The following OPCML variants were observed in gnomAD, a reference collection of about 807,000 sequenced individuals.
OPCML encodes the protein opioid-binding protein/cell adhesion molecule.
OPCML carries 13 observed loss-of-function variants against 37.8 expected under a neutral mutation model. That is an observed-to-expected ratio of 0.34 (90% CI 0.22 to 0.55). The LOEUF (loss-of-function observed/expected upper bound fraction) is 0.55, where lower values mean the gene tolerates loss of function less well. Among genes scored for constraint, OPCML ranks in the 20% least tolerant of loss-of-function variants. The pLI is 0.91. For synonymous variants in OPCML, 176 were observed against 168.8 expected (o/e 1.04, Z -0.33); for missense variants, 341 against 435.6 (o/e 0.78, Z 1.93).
intron 1 of OPCML, among the ~76,000 whole-genome samples, chr11:133,371,449 T>C (rs568665233): frequency 6.6e-6 from 1 of 152,324 alleles, no homozygotes; most frequent in South Asian, 2.1e-4. Context: ...TGAATTGTAA[T>C]CCAAATTGTA....
intron 1 of OPCML, among the ~76,000 whole-genome samples, chr11:133,311,582 T>C (rs1943068477): frequency 6.6e-6 from 1 of 151,664 alleles, no homozygotes; most frequent in Non-Finnish European, 1.5e-5. Context: ...AGACAGGACG[T>C]AGTGTTCTAA....
At chr11:132,886,976 T>A (rs761364166) in intron 2 of OPCML, among the ~76,000 whole-genome samples, 2 of 152,066 alleles carry the variant, frequency 1.3e-5, no homozygotes, top group Non-Finnish European at 2.9e-5. Flanking sequence ...CCACTGAGCA[T>A]CTCAGAGCCC....
chr11:132,941,033 G>T (rs140528040), intron 2 of OPCML, among the ~76,000 whole-genome samples: 2 of 151,704 alleles, frequency 1.3e-5, no homozygotes, highest in African/African-American at 2.4e-5. Flanking sequence ...AAAAAATTAC[G>T]CCATGCAATC....
intron 1 of OPCML, among the ~76,000 whole-genome samples, chr11:133,140,998 GA>G (rs1949803494): frequency 2.4e-4 from 1 of 4,150 alleles, no homozygotes; most frequent in African/African-American, 4.0e-4. Context: ...AGAAGAAGAA[GA>G]CGACGACGAC....
chr11:132,924,534 T>C (rs1286175804), intron 2 of OPCML, among the ~76,000 whole-genome samples: 1 of 152,252 alleles, frequency 6.6e-6, no homozygotes, highest in Non-Finnish European at 1.5e-5. Context: ...TCTATGTTGA[T>C]GATTCTTTTC....
At chr11:132,858,130 A>ATATC (rs1191029873) in intron 2 of OPCML, among the ~76,000 whole-genome samples, 1 of 152,232 alleles carries the variant, frequency 6.6e-6, no homozygotes, top group Non-Finnish European at 1.5e-5. Context: ...AAGGAAGAGA[A>ATATC]TATCTGACAG....
In OPCML at chr11:132,769,240, G is replaced by GTTT. The variant is rs374516026; in HGVS notation, c.147-111922_147-111921insAAA. Among the ~76,000 whole-genome samples, 933 of 146,550 alleles carry GTTT rather than the reference G, an allele frequency of 6.4e-3. 33 individuals carry two copies. The highest frequency in any genetic ancestry group is 0.01 in the African/African-American group (408 of 39,816). The stretch of plus-strand genomic sequence containing the variant: ...TATTTTTTTGTTTTTTGGTTTGTTT[G>GTTT]TTGTTTTTTTTTTTTGAGACGGAGT... On this transcript the variant is annotated intron_variant, in intron 2 of 7. Transcript: ENST00000524381.
intron 3 of OPCML, among the ~76,000 whole-genome samples, chr11:132,562,138 C>T (rs1487664773): frequency 6.6e-6 from 1 of 152,090 alleles, no homozygotes; most frequent in Non-Finnish European, 1.5e-5. Context: ...TGTTTGAGAA[C>T]AGATGATTAG....
intron 1 of OPCML, among the ~76,000 whole-genome samples, chr11:133,120,653 GC>G (rs1287587320): frequency 2.0e-5 from 3 of 152,210 alleles, no homozygotes; most frequent in African/African-American, 7.2e-5. Context: ...CAGTGACTGT[GC>G]TTTTAAGTAA....
intron 1 of OPCML, among the ~76,000 whole-genome samples, chr11:133,113,141 G>T (rs546521389): frequency 6.6e-6 from 1 of 152,110 alleles, no homozygotes; most frequent in Admixed American, 6.5e-5. Flanking sequence ...ATGCAAAAAA[G>T]CCATCCTTTA....
At chr11:133,309,253 C>A (rs989871744) in intron 1 of OPCML, among the ~76,000 whole-genome samples, 4 of 152,178 alleles carry the variant, frequency 2.6e-5, no homozygotes, top group Non-Finnish European at 4.4e-5. Context: ...GATAACATCA[C>A]CAGTGAGGAA....
At chr11:132,695,699 G>T (rs1241538397) in intron 2 of OPCML, among the ~76,000 whole-genome samples, 2 of 152,130 alleles carry the variant, frequency 1.3e-5, no homozygotes, top group Admixed American at 1.3e-4. Flanking sequence ...ATCTATTGGC[G>T]ATTTCTTCTT....
intron 2 of OPCML, among the ~76,000 whole-genome samples, chr11:132,845,055 C>G (rs972508527): frequency 1.1e-4 from 16 of 151,616 alleles, no homozygotes; most frequent in African/African-American, 3.9e-4. Context: ...AAATACACAC[C>G]TCTTTAATTC....
chr11:133,078,551 C>T (rs1372393102), intron 1 of OPCML, among the ~76,000 whole-genome samples: 2 of 152,150 alleles, frequency 1.3e-5, no homozygotes, highest in Non-Finnish European at 2.9e-5. Context: ...AAAGGCAACA[C>T]GCTTTTGAAG....
intron 1 of OPCML, among the ~76,000 whole-genome samples, chr11:133,167,246 ATTATT>A (rs1009166581): frequency 6.6e-6 from 1 of 152,156 alleles, no homozygotes; most frequent in Non-Finnish European, 1.5e-5. Context: ...CATCATCATT[ATTATT>A]TTATTATATT....
At chr11:133,215,984 G>C (rs1358303985) in intron 1 of OPCML, among the ~76,000 whole-genome samples, 1 of 152,108 alleles carries the variant, frequency 6.6e-6, no homozygotes, top group African/African-American at 2.4e-5. Context: ...GATGAATAGA[G>C]GCCACCAGGA....
chr11:133,001,743 A>G (rs560178561), intron 1 of OPCML, among the ~76,000 whole-genome samples: 10 of 152,352 alleles, frequency 6.6e-5, no homozygotes, highest in African/African-American at 2.2e-4. Context: ...CCAAAGGCCT[A>G]TAGATTGCCT....
chr11:132,833,828 T>C (rs1447934098), intron 2 of OPCML, among the ~76,000 whole-genome samples: 4 of 152,226 alleles, frequency 2.6e-5, no homozygotes, highest in Non-Finnish European at 5.9e-5. Flanking sequence ...TACGCAGCAC[T>C]GTATTTAAAG....
At chr11:133,478,920 C>T (rs929481445) in intron 1 of OPCML, among the ~76,000 whole-genome samples, 1 of 152,172 alleles carries the variant, frequency 6.6e-6, no homozygotes, top group Admixed American at 6.5e-5. Context: ...ACAAGTCACG[C>T]CATCCTAATT....
Sources: gnomAD v4.1 joint callset for allele counts (sites outside exome capture counted in the v4.1 genomes callset) on GRCh38, gnomAD v4.1.1 for gene constraint, MANE v1.5 for transcripts, NCBI Gene and HGNC (gene_info 2026-07-23, HGNC 2026-07-21) for gene names.